PAX3: variants seen among roughly 807,000 people sequenced by gnomAD.
The protein encoded by PAX3 is paired box protein Pax-3.
A neutral mutation model predicts 51.6 loss-of-function variants in PAX3; 14 were observed. The ratio of observed to expected loss-of-function variants is 0.27; its 90% CI spans 0.18 to 0.42. The LOEUF (loss-of-function observed/expected upper bound fraction) is 0.42, where lower values mean the gene tolerates loss of function less well. Among genes scored for constraint, PAX3 ranks in the 10% least tolerant of loss-of-function variants. The pLI is 1.00. For synonymous variants in PAX3, 280 were observed against 253.4 expected, an observed-to-expected ratio of 1.11 and a Z score of -1.00; for missense variants, 540 against 642.8, an observed-to-expected ratio of 0.84 and a Z score of 1.73.
chr2:222,270,553 C>G (rs576888609), intron 4 of PAX3, among the ~76,000 whole-genome samples: 18 of 152,272 alleles, frequency 1.2e-4, no homozygotes, highest in African/African-American at 3.4e-4. Context: ...TCCTCACTGG[C>G]CTTATTTTCC....
intron 7 of PAX3, among the ~76,000 whole-genome samples, chr2:222,217,192 T>G (rs1484002091): frequency 6.6e-6 from 1 of 152,218 alleles, no homozygotes; most frequent in African/African-American, 2.4e-5. Flanking sequence ...TAGACACTTT[T>G]TAAGCAAATT....
At chr2:222,273,010 C>G (rs1293208358) in intron 4 of PAX3, among the ~76,000 whole-genome samples, 1 of 152,098 alleles carries the variant, frequency 6.6e-6, no homozygotes, top group Non-Finnish European at 1.5e-5. Flanking sequence ...AAGAAAATCC[C>G]CTGGACTTTG....
chr2:222,202,206 G>C lies in PAX3; in HGVS notation c.1174-16C>G. 1 of 1,540,630 alleles carries C rather than the reference G, an allele frequency of 6.5e-7. No homozygotes were observed. The highest frequency in any genetic ancestry group is 8.9e-7 in the Non-Finnish European group (1 of 1,128,136). ...GTCCCATTACCTAAAAAAACAGCCA[G>C]ATTGGGAAGAGGTTAAAATGCAGAG... On this transcript the variant is annotated splice_polypyrimidine_tract_variant and intron_variant, in intron 7 of 8. Coordinates refer to ENST00000392070, the MANE Select transcript of PAX3 (RefSeq NM_181458.4).
rs1242260331 is a variant in PAX3, at chr2:222,200,442, G to A, written c.*966C>T. On this transcript the variant is annotated 3_prime_UTR_variant, in exon 9 of 9. Transcript: ENST00000392070. Reference sequence around the variant, plus strand: ...CCCGGGTGTTGGTTGTCCAGCAAATGGCAAACATCACTGCACTCTATCACT... The same window carrying A: ...CCCGGGTGTTGGTTGTCCAGCAAATAGCAAACATCACTGCACTCTATCACT... The A allele has an allele frequency of 8.7e-6, 2 of 229,392 alleles. No homozygotes were observed. Among genetic ancestry groups the A allele is most frequent in the Admixed American group, 1.1e-4 (2 of 17,624 alleles). 14.2% of individuals were successfully genotyped at this position (229,392 alleles called of 1,614,324 possible). A position where few individuals can be genotyped will look rare whatever the true frequency, so the allele number is the denominator to read the frequency against.
intron 4 of PAX3, among the ~76,000 whole-genome samples, chr2:222,260,591 G>GTT (rs374339768): frequency 2.4e-4 from 15 of 63,092 alleles, no homozygotes; most frequent in African/African-American, 5.4e-4. Context: ...TTTTTTTTTT[G>GTT]TTTTTTTTTT....
Position 222,221,325 on chromosome 2 carries a change from A to C in PAX3, c.855T>G (p.Ala285=). The part of the protein sequence containing the change: ...RKQAGANQLM[A]FNHLIPGGFP... ...ACCCCCCGGGAATGAGATGGTTGAA[A>C]GCCATCAGTTGATTGGCCCCAGCTT... The change falls in exon 6 of 9, where the codon GCT becomes GCG. Residue 285 remains alanine, a synonymous_variant. Coordinates refer to ENST00000392070, the MANE Select transcript of PAX3 (RefSeq NM_181458.4). The C allele has an allele frequency of 3.1e-6, 5 of 1,614,076 alleles. No homozygotes were observed. The South Asian group carries it at 5.5e-5, about 18-fold the overall frequency.
intron 5 of PAX3, among the ~76,000 whole-genome samples, chr2:222,221,905 C>A (rs1692208636): frequency 6.7e-6 from 1 of 150,320 alleles, no homozygotes; most frequent in African/African-American, 2.4e-5. Flanking sequence ...TAAGTGGAGC[C>A]CTTTTTTCAT....
intron 4 of PAX3, among the ~76,000 whole-genome samples, chr2:222,261,829 T>C (rs1280510484): frequency 6.6e-6 from 1 of 152,248 alleles, no homozygotes; most frequent in Non-Finnish European, 1.5e-5. Context: ...TCTTTATGAA[T>C]GTACGTTAAA....
intron 4 of PAX3, among the ~76,000 whole-genome samples, chr2:222,255,953 G>A (rs7585266): frequency 0.24 from 26,236 of 110,364 alleles, 3,097 homozygotes; most frequent in East Asian, 0.4. Context: ...ATTTTTAGTA[G>A]AGACGGGGTT....
chr2:222,271,600 A>C (rs1478219663), intron 4 of PAX3, among the ~76,000 whole-genome samples: 2 of 152,202 alleles, frequency 1.3e-5, no homozygotes, highest in Non-Finnish European at 2.9e-5. Context: ...TTTAAGTGTC[A>C]AGGAATAAGG....
At chr2:222,250,549 A>G (rs1387262380) in intron 4 of PAX3, among the ~76,000 whole-genome samples, 1 of 152,230 alleles carries the variant, frequency 6.6e-6, no homozygotes, top group East Asian at 1.9e-4. Context: ...TGGGCCAGAC[A>G]TAGGCCAAAC....
At position 222,295,469 on chromosome 2, in the gene PAX3, G is replaced by T. The variant is rs906017141; in HGVS notation, c.451+59C>A. On this transcript the variant is annotated intron_variant, in intron 3 of 8. Transcript: ENST00000392070. Reference sequence around the variant, plus strand: ...TTGGGGTGATTACGTCTGGGTCGACGTGCCGGGGTAATAGCGACTGACTGT... The same window carrying T: ...TTGGGGTGATTACGTCTGGGTCGACTTGCCGGGGTAATAGCGACTGACTGT... The T allele has an allele frequency of 1.3e-5, 21 of 1,595,120 alleles. No homozygotes were observed. In the Middle Eastern group the frequency reaches 5.1e-4, roughly 39 times the overall value.
rs1190291369 is a variant in PAX3 at position 222,287,879 on chromosome 2, C to A, written c.586+6288G>T. Among the ~76,000 whole-genome samples the A allele has an allele frequency of 3.9e-5, 6 of 152,128 alleles. 1 individual carries two copies. The highest frequency in any genetic ancestry group is 8.8e-5 in the Non-Finnish European group (6 of 68,028). Reference sequence around the variant, plus strand: ...AAGAGTAAAAAATAAAACAATAAAGCCTCATGCACAACTTTTTAGTACTGA... The same window carrying A: ...AAGAGTAAAAAATAAAACAATAAAGACTCATGCACAACTTTTTAGTACTGA... On this transcript the variant is annotated intron_variant, in intron 4 of 8. Transcript: ENST00000392070.
In PAX3 at chr2:222,200,544, C is replaced by T. The variant is rs984792555; in HGVS notation, c.*864G>A. 1 of 230,912 alleles carries T rather than the reference C, an allele frequency of 4.3e-6. No homozygotes were observed. Among genetic ancestry groups the T allele is most frequent in the Non-Finnish European group, 8.6e-6 (1 of 116,498 alleles). 14.3% of individuals were successfully genotyped at this position (230,912 alleles called of 1,614,324 possible). ...TTTGCTTATATCGCCTTGGGCATTGCCAAAGCATCCATGAGGTACACAGTA... is the reference window on the plus strand; with the variant it reads ...TTTGCTTATATCGCCTTGGGCATTGTCAAAGCATCCATGAGGTACACAGTA... On this transcript the variant is annotated 3_prime_UTR_variant, in exon 9 of 9. Transcript: ENST00000392070.
chr2:222,235,369 T>G (rs535815143), intron 4 of PAX3, among the ~76,000 whole-genome samples: 1 of 152,252 alleles, frequency 6.6e-6, no homozygotes. Context: ...AATTTCAGAT[T>G]TGCTCCAACA....
At chr2:222,224,046 C>T (rs551255157) in intron 5 of PAX3, among the ~76,000 whole-genome samples, 95 of 152,194 alleles carry the variant, frequency 6.2e-4, no homozygotes, top group African/African-American at 2.2e-3. Flanking sequence ...TGAGTTTCTA[C>T]AAATACCTTC....
Position 222,232,164 on chromosome 2 carries a change from G to C in PAX3, c.706C>G (p.Arg236Gly). The C allele has an allele frequency of 6.2e-7, 1 of 1,613,998 alleles. No homozygotes were observed. Among genetic ancestry groups the C allele is most frequent in the Non-Finnish European group, 8.5e-7 (1 of 1,179,958 alleles). ...FTAEQLEELE[R>G]AFERTHYPDI... Reference sequence around the variant, plus strand: ...GGGTAATGAGTTCTCTCAAAAGCACGCTCCAGTTCCTCCAGCTGTTCTGCT... The same window carrying C: ...GGGTAATGAGTTCTCTCAAAAGCACCCTCCAGTTCCTCCAGCTGTTCTGCT... Residue 236 changes from arginine to glycine, a missense_variant, in exon 5 of 9, where the codon CGT becomes GGT. Transcript: ENST00000392070.
At chr2:222,294,444 A>G (rs1695179716) in intron 3 of PAX3, 143 bp from the exon 4 acceptor site, 1 of 799,116 alleles carries the variant, frequency 1.3e-6, no homozygotes, top group African/African-American at 1.7e-5. Flanking sequence ...CTCCTCCTGC[A>G]TCTCTGGACA....
At chr2:222,280,592 G>A (rs1469524286) in intron 4 of PAX3, among the ~76,000 whole-genome samples, 3 of 152,138 alleles carry the variant, frequency 2.0e-5, no homozygotes, top group African/African-American at 7.2e-5. Flanking sequence ...ACAACTCATT[G>A]AGCCTCTTAC....
Sources: gnomAD v4.1 joint callset for allele counts (sites outside exome capture counted in the v4.1 genomes callset) on GRCh38, gnomAD v4.1.1 for gene constraint, MANE v1.5 for transcripts, NCBI Gene and HGNC (gene_info 2026-07-23, HGNC 2026-07-21) for gene names.